DUSP29: variants seen among roughly 807,000 people sequenced by gnomAD.
The protein encoded by DUSP29 is atypical dual-specific protein phosphatase.
Under a neutral mutation model 13.5 loss-of-function variants are expected in DUSP29, and 12 were observed. The ratio of observed to expected loss-of-function variants is 0.89; its 90% CI spans 0.57 to 1.44. The LOEUF (loss-of-function observed/expected upper bound fraction) is 1.44. Among genes scored for constraint, DUSP29 ranks in the 40% most tolerant of loss-of-function variants. DUSP29 has a pLI of 0.00. For synonymous variants in DUSP29, 134 were observed against 128.7 expected (o/e 1.04, Z -0.28); for missense variants, 308 against 301.1 (o/e 1.02, Z -0.17).
intron 2 of DUSP29, among the ~76,000 whole-genome samples, chr10:75,053,792 T>C (rs1341257734): frequency 5.3e-5 from 8 of 151,708 alleles, no homozygotes; most frequent in African/African-American, 1.9e-4. Flanking sequence ...CAGTGTCTTC[T>C]TTTTTTCCCC....
chr10:75,050,639 C>T (rs956280778), intron 2 of DUSP29, among the ~76,000 whole-genome samples: 1 of 152,284 alleles, frequency 6.6e-6, no homozygotes, highest in Non-Finnish European at 1.5e-5. Flanking sequence ...CACCCACACA[C>T]AGTGGGGACT....
chr10:75,041,718 G>T (rs1316220458), intron 3 of DUSP29, among the ~76,000 whole-genome samples: 1 of 152,134 alleles, frequency 6.6e-6, no homozygotes, highest in African/African-American at 2.4e-5. Flanking sequence ...TCGAGTCCCG[G>T]CACCCCCATC....
intron 1 of DUSP29, among the ~76,000 whole-genome samples, chr10:75,067,492 G>A (rs1418243153): frequency 6.6e-6 from 1 of 152,138 alleles, no homozygotes; most frequent in Non-Finnish European, 1.5e-5. Flanking sequence ...AGCTGACATG[G>A]GGGTGCTCTG....
chr10:75,050,589 C>T (rs1205405812), intron 2 of DUSP29, among the ~76,000 whole-genome samples: 1 of 152,232 alleles, frequency 6.6e-6, no homozygotes, highest in African/African-American at 2.4e-5. Flanking sequence ...AGTCCCAGAA[C>T]AATAAAATGC....
intron 3 of DUSP29, among the ~76,000 whole-genome samples, chr10:75,043,343 A>G (rs1846625224): frequency 1.3e-5 from 2 of 152,232 alleles, no homozygotes; most frequent in African/African-American, 4.8e-5. Context: ...CCCAGGCACA[A>G]TTAGTGTCTC....
In DUSP29 at chr10:75,058,427, C is replaced by T. The variant is rs1847015558; in HGVS notation, c.88G>A (p.Glu30Lys). The T allele has an allele frequency of 6.2e-7, 1 of 1,614,124 alleles. No homozygotes were observed. The highest frequency in any genetic ancestry group is 1.3e-5 in the African/African-American group (1 of 74,938). Reference sequence around the variant, plus strand: ...GCTCCAGGGGTGCAGTAGTCCTCCTCCTCCCCTTCCTCCTCCATCTTCGGC... The same window carrying T: ...GCTCCAGGGGTGCAGTAGTCCTCCTTCTCCCCTTCCTCCTCCATCTTCGGC... ...LSPKMEEEGE[E>K]EDYCTPGAFE... The change falls in exon 2 of 4, where the codon GAG (glutamate) becomes AAG (lysine). Residue 30 changes from glutamate (E) to lysine (K), a missense_variant. Physicochemically the swap from Glu to Lys is moderately conservative, Grantham distance 56. Transcript: ENST00000338487.
At chr10:75,064,237 C>T (rs765648726) in intron 1 of DUSP29, among the ~76,000 whole-genome samples, 11 of 152,038 alleles carry the variant, frequency 7.2e-5, no homozygotes, top group South Asian at 2.1e-4. Context: ...TAGCCGGGCA[C>T]GGTGGCTCAC....
intron 2 of DUSP29, among the ~76,000 whole-genome samples, chr10:75,046,666 T>C (rs935615591): frequency 3.3e-5 from 5 of 152,236 alleles, no homozygotes; most frequent in African/African-American, 1.2e-4. Context: ...CCCCCTCCAC[T>C]TGGCTCTTAG....
intron 2 of DUSP29, among the ~76,000 whole-genome samples, chr10:75,057,213 G>T (rs1388549031): frequency 6.6e-6 from 1 of 152,102 alleles, no homozygotes; most frequent in Non-Finnish European, 1.5e-5. Flanking sequence ...GGCAGAGGTT[G>T]CAGTGAGCCG....
intron 3 of DUSP29, among the ~76,000 whole-genome samples, chr10:75,040,119 T>C (rs1268824473): frequency 6.6e-6 from 1 of 152,076 alleles, no homozygotes; most frequent in African/African-American, 2.4e-5. Flanking sequence ...GAGGTTGCAG[T>C]GAGTGGAGAT....
At chr10:75,039,644 G>A (rs917524871) in intron 3 of DUSP29, among the ~76,000 whole-genome samples, 5 of 152,150 alleles carry the variant, frequency 3.3e-5, no homozygotes, top group Non-Finnish European at 4.4e-5. Flanking sequence ...ACCACGCTCC[G>A]CCCCGCAGCC....
chr10:75,072,575 T>C (rs975232515), intron 1 of DUSP29, among the ~76,000 whole-genome samples: 9 of 152,034 alleles, frequency 5.9e-5, no homozygotes, highest in Admixed American at 2.0e-4. Flanking sequence ...CTCGGATTTG[T>C]CGGTGGGACC....
At chr10:75,052,300 CTTTTTT>C (rs751523419) in intron 2 of DUSP29, among the ~76,000 whole-genome samples, 1 of 124,900 alleles carries the variant, frequency 8.0e-6, no homozygotes, top group African/African-American at 3.1e-5. Flanking sequence ...CATTTGTCTA[CTTTTTT>C]TTTTTTTTTT....
chr10:75,038,289 T>G (rs1473794868), intron 3 of DUSP29, among the ~76,000 whole-genome samples: 1 of 152,132 alleles, frequency 6.6e-6, no homozygotes, highest in Non-Finnish European at 1.5e-5. Context: ...TAACTCGATT[T>G]TAGCACAATT....
intron 2 of DUSP29, among the ~76,000 whole-genome samples, chr10:75,052,299 AC>A (rs1302079543): frequency 3.1e-4 from 41 of 131,732 alleles, no homozygotes; most frequent in African/African-American, 1.1e-3. Flanking sequence ...GCATTTGTCT[AC>A]TTTTTTTTTT....
In DUSP29 at chr10:75,043,793, T is replaced by C. The variant is rs201792257; in HGVS notation, c.421+4A>G. 9.9e-5 allele frequency: 160 copies of C among 1,611,196 alleles called. 1 individual carries two copies. The Middle Eastern group carries it at 1.4e-3, about 14-fold the overall frequency. On this transcript the variant is annotated splice_donor_region_variant and intron_variant, in intron 3 of 3. Coordinates refer to ENST00000338487, the MANE Select transcript of DUSP29 (RefSeq NM_001003892.3). ...CGATCGGGGCGGGGCCGCGGGTCTC[T>C]TACTGTGGTCGTCGCTTAGCGCTCT...
chr10:75,066,337 C>T (rs1039544552), intron 1 of DUSP29, among the ~76,000 whole-genome samples: 1 of 151,808 alleles, frequency 6.6e-6, no homozygotes, highest in Non-Finnish European at 1.5e-5. Context: ...GGGACCCTAA[C>T]CCTTCAACAG....
intron 2 of DUSP29, among the ~76,000 whole-genome samples, chr10:75,053,343 T>C (rs1846888052): frequency 6.6e-6 from 1 of 152,212 alleles, no homozygotes; most frequent in Admixed American, 6.5e-5. Flanking sequence ...CTACCCATCT[T>C]CAAAAGTCGA....
chr10:75,053,226 G>T lies in DUSP29; in HGVS notation c.200+5089C>A, dbSNP rs923889482. Among the ~76,000 whole-genome samples, 5 of 152,284 alleles carry T rather than the reference G, an allele frequency of 3.3e-5. No homozygotes were observed. The South Asian group carries it at 1.0e-3, about 32-fold the overall frequency. On this transcript the variant is annotated intron_variant, in intron 2 of 3. Coordinates refer to ENST00000338487, the MANE Select transcript of DUSP29 (RefSeq NM_001003892.3). Reference sequence around the variant, plus strand: ...AATTTGGCTTAATCTTGGACCTTCTGAAAGTGTACCACATTCATCCCCTAT... The same window carrying T: ...AATTTGGCTTAATCTTGGACCTTCTTAAAGTGTACCACATTCATCCCCTAT...
Sources: gnomAD v4.1 joint callset for allele counts (sites outside exome capture counted in the v4.1 genomes callset) on GRCh38, gnomAD v4.1.1 for gene constraint, MANE v1.5 for transcripts, NCBI Gene and HGNC (gene_info 2026-07-23, HGNC 2026-07-21) for gene names.